The following HSD17B8 variants were observed in gnomAD, a reference collection of about 807,000 sequenced individuals.
HSD17B8 encodes hydroxysteroid 17-beta dehydrogenase 8.
In HSD17B8, 23 loss-of-function variants were observed where a neutral mutation model predicts 33.2. The ratio of observed to expected loss-of-function variants is 0.69; its 90% confidence interval spans 0.50 to 0.98. The LOEUF is 0.98. HSD17B8 is among the 50% of genes least tolerant of loss of function. The pLI, the probability that HSD17B8 is intolerant of heterozygous loss-of-function variation, is 0.00. For missense variants in HSD17B8, 345 were observed against 347.5 expected (o/e 0.99, Z 0.06); for synonymous variants, 137 against 138.6 (o/e 0.99, Z 0.08).
chr6:33,206,401 GCATCTGAAGATAGTGGATA>G lies in HSD17B8; in HGVS notation c.726_744del (p.Glu243GlnfsTer62), dbSNP rs779266895. ...TGTGGCAGATGTGGTCGCATTCTTGGCATCTGAAGATAGTGGATACATCACAGGGACCTCAGTGGAAGTC... is the reference window on the plus strand; with the variant it reads ...TGTGGCAGATGTGGTCGCATTCTTGGCATCACAGGGACCTCAGTGGAAGTC... On this transcript the variant is annotated frameshift_variant, in exon 8 of 9. Coordinates refer to ENST00000374662, the MANE Select transcript of HSD17B8 (RefSeq NM_014234.5). LOFTEE classifies it high-confidence loss of function. The surrounding 1 kb of genome is among the most constrained non-coding windows in gnomAD (Gnocchi z 6.2). 1.2e-5 allele frequency: 19 copies of G among 1,613,902 alleles called. No homozygotes were observed. In the African/African-American group the frequency reaches 2.4e-4, roughly 20 times the overall value.
chr6:33,206,392 G>A lies in HSD17B8; in HGVS notation c.712G>A (p.Ala238Thr), dbSNP rs755014412. 2.1e-5 allele frequency: 34 copies of A among 1,613,652 alleles called. 2 individuals carry two copies. In the South Asian group the frequency reaches 3.4e-4, roughly 16 times the overall value. The stretch of plus-strand genomic sequence containing the variant: ...TCTCATAGATGTGGCAGATGTGGTC[G>A]CATTCTTGGCATCTGAAGATAGTGG... ...GDPEDVADVVAFLASEDSGYI... is the reference protein window; with the variant it reads ...GDPEDVADVVTFLASEDSGYI... Residue 238 changes from alanine to threonine, a missense_variant, in exon 8 of 9, where the codon GCA becomes ACA. Transcript: ENST00000374662. The surrounding 1 kb of genome is among the most constrained non-coding windows in gnomAD (Gnocchi z 6.2).
Position 33,206,399 on chromosome 6 carries a change from T to C in HSD17B8, c.719T>C (p.Leu240Ser), listed in dbSNP as rs1775065275. The change falls in exon 8 of 9, where the codon TTG becomes TCG. Residue 240 changes from leucine (L) to serine (S), a missense_variant. Transcript: ENST00000374662. This position sits in a 1 kb window ranked among gnomAD's most constrained non-coding sequence, Gnocchi z 6.2. ...PEDVADVVAF[L>S]ASEDSGYITG... ...GATGTGGCAGATGTGGTCGCATTCT[T>C]GGCATCTGAAGATAGTGGATACATC... The C allele has an allele frequency of 6.2e-7, 1 of 1,613,894 alleles. No individual in the cohort carries two copies.
rs188608072 is a variant in HSD17B8 at position 33,205,365 on chromosome 6, G to C, written c.387+28G>C. The C allele has an allele frequency of 4.9e-5, 78 of 1,606,232 alleles. No individual in the cohort carries two copies. The East Asian group carries it at 1.6e-3, about 33-fold the overall frequency. ...GGCGATCTCTGAACCTGCGACGTTTGGCCCCCTTAGCCTGGGGAGGGAGTT... is the reference window on the plus strand; with the variant it reads ...GGCGATCTCTGAACCTGCGACGTTTCGCCCCCTTAGCCTGGGGAGGGAGTT... On this transcript the variant is annotated intron_variant, in intron 3 of 8. Transcript: ENST00000374662. The surrounding 1 kb of genome is among the most constrained non-coding windows in gnomAD (Gnocchi z 5.0).
rs766121236 is a variant in HSD17B8 at position 33,205,036 on chromosome 6, G to A, written c.187G>A (p.Gly63Arg). The change falls in exon 2 of 9, where the codon GGG becomes AGG. Residue 63 changes from glycine to arginine, a missense_variant. Coordinates refer to ENST00000374662, the MANE Select transcript of HSD17B8 (RefSeq NM_014234.5). The surrounding 1 kb of genome is among the most constrained non-coding windows in gnomAD (Gnocchi z 5.0). ...GCTGGGCGGGCCAGGGAGCAAGGAGGGGCCGCCCCGAGGGAACCATGCTGC... is the reference window on the plus strand; with the variant it reads ...GCTGGGCGGGCCAGGGAGCAAGGAGAGGCCGCCCCGAGGGAACCATGCTGC... ...RLLGGPGSKE[G>R]PPRGNHAAFQ... 2 of 1,545,622 alleles carry A rather than the reference G, an allele frequency of 1.3e-6. No individual in the cohort carries two copies. Among genetic ancestry groups the A allele is most frequent in the Non-Finnish European group, 1.7e-6 (2 of 1,148,766 alleles).
Position 33,205,211 on chromosome 6 carries a change from C to G in HSD17B8, c.271-10C>G, listed in dbSNP as rs756238441. On this transcript the variant is annotated splice_polypyrimidine_tract_variant and intron_variant, in intron 2 of 8. Transcript: ENST00000374662. The surrounding 1 kb of genome is among the most constrained non-coding windows in gnomAD (Gnocchi z 5.0). ...GGGGGTTTTTGATGCGTAACCTCCCCCTCCCATAGGCCTGCTTTTCTCGCC... is the reference window on the plus strand; with the variant it reads ...GGGGGTTTTTGATGCGTAACCTCCCGCTCCCATAGGCCTGCTTTTCTCGCC... 1 of 1,612,450 alleles carries G rather than the reference C, an allele frequency of 6.2e-7. No individual in the cohort carries two copies. The highest frequency in any genetic ancestry group is 2.2e-5 in the East Asian group (1 of 44,888).
In HSD17B8 at chr6:33,206,690, A is replaced by C. The variant is rs776357578; in HGVS notation, c.*36A>C. 1 of 1,608,390 alleles carries C rather than the reference A, an allele frequency of 6.2e-7. No homozygotes were observed. The highest frequency in any genetic ancestry group is 8.5e-7 in the Non-Finnish European group (1 of 1,175,182). ...GACCCTGGACTCTGCTCACCCCCCC[A>C]CCACTCTGCCTGGCCTCCTGCTGAT... On this transcript the variant is annotated 3_prime_UTR_variant, in exon 9 of 9. Coordinates refer to ENST00000374662, the MANE Select transcript of HSD17B8 (RefSeq NM_014234.5). This position sits in a 1 kb window ranked among gnomAD's most constrained non-coding sequence, Gnocchi z 6.2.
chr6:33,205,184 TG>T lies in HSD17B8; in HGVS notation c.271-31del, dbSNP rs757456441. The T allele has an allele frequency of 5.0e-6, 8 of 1,608,960 alleles. No individual in the cohort carries two copies. The highest frequency in any genetic ancestry group is 2.2e-5 in the South Asian group (2 of 90,912). ...TTGCCTCCACTGCCCCGGCTTTTTG[TG>T]GGGGGTTTTTGATGCGTAACCTCCC... On this transcript the variant is annotated intron_variant, in intron 2 of 8. Transcript: ENST00000374662. The surrounding 1 kb of genome is among the most constrained non-coding windows in gnomAD (Gnocchi z 5.0).
Position 33,206,583 on chromosome 6 carries a change from T to TA in HSD17B8, c.770-54dup. On this transcript the variant is annotated intron_variant, in intron 8 of 8. Coordinates refer to ENST00000374662, the MANE Select transcript of HSD17B8 (RefSeq NM_014234.5). This position sits in a 1 kb window ranked among gnomAD's most constrained non-coding sequence, Gnocchi z 6.2. Reference sequence around the variant, plus strand: ...GCCAGGGACAGAAGTGGGTACCCCCTAGCCCATTTGTGTCTCCACCCATGC... The same window carrying TA: ...GCCAGGGACAGAAGTGGGTACCCCCTAAGCCCATTTGTGTCTCCACCCATGC... 2 of 1,603,988 alleles carry TA rather than the reference T, an allele frequency of 1.2e-6. No individual in the cohort carries two copies. The highest frequency in any genetic ancestry group is 1.7e-6 in the Non-Finnish European group (2 of 1,170,936).
In HSD17B8 at chr6:33,205,809, GCCACTCTCCTTC is replaced by G. The variant is rs923133512; in HGVS notation, c.567-14_567-3del. ...CATTCAGCCCTCTCCAGAATCGGCA[GCCACTCTCCTTC>G]CCACAGACATGGGATCCGCTGTAAC... is the stretch of plus-strand genomic sequence containing the variant. On this transcript the variant is annotated splice_polypyrimidine_tract_variant and splice_region_variant and intron_variant, in intron 5 of 8. Coordinates refer to ENST00000374662, the MANE Select transcript of HSD17B8 (RefSeq NM_014234.5). The surrounding 1 kb of genome is among the most constrained non-coding windows in gnomAD (Gnocchi z 5.0). 4 of 1,612,356 alleles carry G rather than the reference GCCACTCTCCTTC, an allele frequency of 2.5e-6. No homozygotes were observed. In the African/African-American group the frequency reaches 5.3e-5, roughly 21 times the overall value.
Position 33,205,415 on chromosome 6 carries a change from A to G in HSD17B8, c.388-32A>G. On this transcript the variant is annotated intron_variant, in intron 3 of 8. Coordinates refer to ENST00000374662, the MANE Select transcript of HSD17B8 (RefSeq NM_014234.5). The surrounding 1 kb of genome is among the most constrained non-coding windows in gnomAD (Gnocchi z 5.0). Reference sequence around the variant, plus strand: ...TGGAGGAGGGCTGTCACCCCAGCTGATCTTTTCTCCCTTGTTACCCTTTCC... The same window carrying G: ...TGGAGGAGGGCTGTCACCCCAGCTGGTCTTTTCTCCCTTGTTACCCTTTCC... The G allele has an allele frequency of 6.2e-7, 1 of 1,610,486 alleles. No homozygotes were observed. Among genetic ancestry groups the G allele is most frequent in the Non-Finnish European group, 8.5e-7 (1 of 1,177,662 alleles).
Position 33,205,994 on chromosome 6 carries a change from A to C in HSD17B8, c.651+82A>C. On this transcript the variant is annotated intron_variant, in intron 6 of 8. Coordinates refer to ENST00000374662, the MANE Select transcript of HSD17B8 (RefSeq NM_014234.5). This position sits in a 1 kb window ranked among gnomAD's most constrained non-coding sequence, Gnocchi z 5.0. ...CACAGAGAGAGAGAGAGAGAGAGAGAGAGAATACTGGGCACAGTTCCTGGC... is the reference window on the plus strand; with the variant it reads ...CACAGAGAGAGAGAGAGAGAGAGAGCGAGAATACTGGGCACAGTTCCTGGC... 1 of 1,419,858 alleles carries C rather than the reference A, an allele frequency of 7.0e-7. No individual in the cohort carries two copies. Among genetic ancestry groups the C allele is most frequent in the South Asian group, 1.2e-5 (1 of 85,856 alleles). 88.0% of individuals were successfully genotyped at this position (1,419,858 alleles called of 1,614,324 possible).
In HSD17B8 at chr6:33,205,798, C is replaced by T; in HGVS notation, c.567-30C>T. Reference sequence around the variant, plus strand: ...GGAGGTACCAGCATTCAGCCCTCTCCAGAATCGGCAGCCACTCTCCTTCCC... The same window carrying T: ...GGAGGTACCAGCATTCAGCCCTCTCTAGAATCGGCAGCCACTCTCCTTCCC... On this transcript the variant is annotated intron_variant, in intron 5 of 8. Transcript: ENST00000374662. This position sits in a 1 kb window ranked among gnomAD's most constrained non-coding sequence, Gnocchi z 5.0. 7.4e-6 allele frequency: 12 copies of T among 1,611,424 alleles called. No individual in the cohort carries two copies. The highest frequency in any genetic ancestry group is 1.0e-5 in the Non-Finnish European group (12 of 1,178,588).
In HSD17B8 at chr6:33,205,848, C is replaced by CT; in HGVS notation, c.588dup (p.Val197CysfsTer24). 6.2e-7 allele frequency: 1 copy of CT among 1,612,988 alleles called. No individual in the cohort carries two copies. The highest frequency in any genetic ancestry group is 8.5e-7 in the Non-Finnish European group (1 of 1,179,990). ...CACAGACATGGGATCCGCTGTAACT[C>CT]TGTCCTCCCAGGGTTCATTGCAACA... On this transcript the variant is annotated frameshift_variant, in exon 6 of 9. Transcript: ENST00000374662. LOFTEE classifies it high-confidence loss of function. The surrounding 1 kb of genome is among the most constrained non-coding windows in gnomAD (Gnocchi z 5.0).
chr6:33,204,752 G>A (rs531064075), intron 1 of HSD17B8, 32 bp downstream of exon 1: 24 of 1,612,290 alleles, frequency 1.5e-5, no homozygotes, highest in Non-Finnish European at 1.9e-5. Flanking sequence ...GGCGGTTTGG[G>A]GTATTGGAGT....
Position 33,205,766 on chromosome 6 carries a change from G to C in HSD17B8, c.566+41G>C, listed in dbSNP as rs893056586. ...GAGGGTGCTGGGGAGCACCTGGGGG[G>C]TCTGAGGGAGGTACCAGCATTCAGC... is the stretch of plus-strand genomic sequence containing the variant. On this transcript the variant is annotated intron_variant, in intron 5 of 8. Transcript: ENST00000374662. The surrounding 1 kb of genome is among the most constrained non-coding windows in gnomAD (Gnocchi z 5.0). 1 of 1,610,564 alleles carries C rather than the reference G, an allele frequency of 6.2e-7. No individual in the cohort carries two copies. Among genetic ancestry groups the C allele is most frequent in the African/African-American group, 1.3e-5 (1 of 74,860 alleles).
chr6:33,206,102 AAGC>A lies in HSD17B8; in HGVS notation c.652-31_652-29del. Reference sequence around the variant, plus strand: ...CAGTCTTCAAAAAAATCCATAAAAGAAGCTTTCACCCACATGAGTATTTCCTTA... The same window carrying A: ...CAGTCTTCAAAAAAATCCATAAAAGATTTCACCCACATGAGTATTTCCTTA... On this transcript the variant is annotated intron_variant, in intron 6 of 8. Transcript: ENST00000374662. This position sits in a 1 kb window ranked among gnomAD's most constrained non-coding sequence, Gnocchi z 6.2. 6.2e-7 allele frequency: 1 copy of A among 1,600,318 alleles called. No homozygotes were observed.
At position 33,205,501 on chromosome 6, in the gene HSD17B8, C is replaced by T. The variant is rs1774967189; in HGVS notation, c.442C>T (p.Arg148Cys). The part of the protein sequence containing the change: ...AAQALVSNGC[R>C]GSIINISSIV... ...ACAAGCCCTGGTGTCCAATGGTTGT[C>T]GTGGTTCCATCATCAACATCAGTAG... is the stretch of plus-strand genomic sequence containing the variant. Residue 148 changes from arginine (R) to cysteine (C), a missense_variant, in exon 4 of 9, where the codon CGT becomes TGT. By Grantham distance (180) the Arg-to-Cys change is radical (BLOSUM62 -3). Transcript: ENST00000374662. This position sits in a 1 kb window ranked among gnomAD's most constrained non-coding sequence, Gnocchi z 5.0. 6.2e-7 allele frequency: 1 copy of T among 1,613,052 alleles called. No homozygotes were observed. Among genetic ancestry groups the T allele is most frequent in the Non-Finnish European group, 8.5e-7 (1 of 1,180,016 alleles).
chr6:33,205,821 C>T lies in HSD17B8; in HGVS notation c.567-7C>T. The T allele has an allele frequency of 1.2e-6, 2 of 1,612,792 alleles. No individual in the cohort carries two copies. The highest frequency in any genetic ancestry group is 1.7e-6 in the Non-Finnish European group (2 of 1,179,800). On this transcript the variant is annotated splice_polypyrimidine_tract_variant and splice_region_variant and intron_variant, in intron 5 of 8. Coordinates refer to ENST00000374662, the MANE Select transcript of HSD17B8 (RefSeq NM_014234.5). The surrounding 1 kb of genome is among the most constrained non-coding windows in gnomAD (Gnocchi z 5.0). ...TCCAGAATCGGCAGCCACTCTCCTTCCCACAGACATGGGATCCGCTGTAAC... is the reference window on the plus strand; with the variant it reads ...TCCAGAATCGGCAGCCACTCTCCTTTCCACAGACATGGGATCCGCTGTAAC...
In HSD17B8 at chr6:33,205,951, C is replaced by G. The variant is rs760937041; in HGVS notation, c.651+39C>G. The G allele has an allele frequency of 6.6e-7, 1 of 1,507,614 alleles. No homozygotes were observed. Among genetic ancestry groups the G allele is most frequent in the Admixed American group, 1.7e-5 (1 of 58,678 alleles). 93.4% of individuals were successfully genotyped at this position (1,507,614 alleles called of 1,614,324 possible). On this transcript the variant is annotated intron_variant, in intron 6 of 8. Transcript: ENST00000374662. This position sits in a 1 kb window ranked among gnomAD's most constrained non-coding sequence, Gnocchi z 5.0. Reference sequence around the variant, plus strand: ...GGTGGAGGGCAGAATCATTCAGAGACTCAATCTCTCTGGGCTTCACAGAGA... The same window carrying G: ...GGTGGAGGGCAGAATCATTCAGAGAGTCAATCTCTCTGGGCTTCACAGAGA...
Sources: gnomAD v4.1 joint callset for allele counts on GRCh38, gnomAD v4.1.1 for gene constraint, Gnocchi (gnomAD v3.1) non-coding constraint, MANE v1.5 for transcripts, NCBI Gene and HGNC (gene_info 2026-07-23, HGNC 2026-07-21) for gene names.